ALK: variants seen among roughly 807,000 people sequenced by gnomAD.
The protein encoded by ALK is ALK receptor tyrosine kinase.
ALK carries 74 observed loss-of-function variants against 163.1 expected under a neutral mutation model. The observed-to-expected ratio is 0.45, with a 90% confidence interval of 0.38 to 0.55. The LOEUF is 0.55. ALK is among the 20% of genes least tolerant of loss of function. ALK has a pLI of 0.00. For synonymous variants in ALK, 960 were observed against 843.2 expected, an observed-to-expected ratio of 1.14 and a Z score of -2.40; for missense variants, 2,063 against 2,105.3, an observed-to-expected ratio of 0.98 and a Z score of 0.39.
At chr2:29,458,304 A>C (rs556581212) in intron 4 of ALK, among the ~76,000 whole-genome samples, 1 of 152,270 alleles carries the variant, frequency 6.6e-6, no homozygotes, top group South Asian at 2.1e-4. Context: ...ATTTGCTTCA[A>C]AATCAACCAG....
chr2:29,540,291 G>A (rs1558374991), intron 3 of ALK, among the ~76,000 whole-genome samples: 1 of 152,094 alleles, frequency 6.6e-6, no homozygotes, highest in Non-Finnish European at 1.5e-5. Context: ...AAGACCTTGA[G>A]AAGGGAAAAA....
At chr2:29,873,134 C>A (rs1156494632) in intron 1 of ALK, among the ~76,000 whole-genome samples, 2 of 152,208 alleles carry the variant, frequency 1.3e-5, no homozygotes, top group Admixed American at 6.5e-5. Flanking sequence ...GTGGCTCCAA[C>A]CACTGACAGA....
Position 29,879,013 on chromosome 2 carries a change from T to C in ALK, c.667+40980A>G, listed in dbSNP as rs772431191. Among the ~76,000 whole-genome samples, 10 of 152,156 alleles carry C rather than the reference T, an allele frequency of 6.6e-5. No homozygotes were observed. The East Asian group carries it at 1.3e-3, about 21-fold the overall frequency. On this transcript the variant is annotated intron_variant, in intron 1 of 28. Transcript: ENST00000389048. ...GTATGCAGGCAAGAAACAGGACTGA[T>C]GCCAGGGAGTGTCAGTCAGCAGAAG...
chr2:29,902,858 G>T (rs1489939613), intron 1 of ALK, among the ~76,000 whole-genome samples: 1 of 152,082 alleles, frequency 6.6e-6, no homozygotes, highest in Non-Finnish European at 1.5e-5. Flanking sequence ...TAGCTCTTAA[G>T]CTCACACCAT....
At chr2:29,896,115 C>T (rs538072078) in intron 1 of ALK, among the ~76,000 whole-genome samples, 14 of 152,172 alleles carry the variant, frequency 9.2e-5, no homozygotes, top group Non-Finnish European at 1.5e-4. Context: ...ACAAAAAGAG[C>T]TCCTACAAGG....
At chr2:29,829,172 G>C (rs913479085) in intron 1 of ALK, among the ~76,000 whole-genome samples, 1 of 95,162 alleles carries the variant, frequency 1.1e-5, no homozygotes, top group Non-Finnish European at 1.9e-5. Context: ...TTGAGGGGTG[G>C]GGGGAGGGGG....
intron 1 of ALK, among the ~76,000 whole-genome samples, chr2:29,756,558 T>C (rs1680537792): frequency 6.8e-6 from 1 of 147,608 alleles, no homozygotes. Context: ...AGACAGAGTC[T>C]CACTCACTCT....
intron 3 of ALK, among the ~76,000 whole-genome samples, chr2:29,602,312 C>T (rs1675401563): frequency 6.6e-6 from 1 of 152,034 alleles, no homozygotes; most frequent in South Asian, 2.1e-4. Flanking sequence ...AGAGATTCTG[C>T]TCATAGAATC....
intron 3 of ALK, among the ~76,000 whole-genome samples, chr2:29,612,392 T>C (rs893267295): frequency 7.2e-5 from 11 of 152,318 alleles, no homozygotes; most frequent in Admixed American, 7.2e-4. Context: ...TCTGCTTCCT[T>C]GGTTTCAATC....
intron 8 of ALK, among the ~76,000 whole-genome samples, chr2:29,303,309 A>G (rs1233189579): frequency 6.6e-6 from 1 of 152,252 alleles, no homozygotes; most frequent in Non-Finnish European, 1.5e-5. Flanking sequence ...ACCACCAGAG[A>G]AATGCAAATC....
chr2:29,202,590 G>A (rs1669210350), intron 26 of ALK, among the ~76,000 whole-genome samples: 3 of 152,200 alleles, frequency 2.0e-5, no homozygotes, highest in African/African-American at 4.8e-5. Flanking sequence ...AAGCGCAAAC[G>A]ATACTGTGTT....
intron 1 of ALK, among the ~76,000 whole-genome samples, chr2:29,910,384 C>A (rs1017494942): frequency 6.6e-6 from 1 of 152,048 alleles, no homozygotes; most frequent in Admixed American, 6.5e-5. Context: ...AGTACGGGAA[C>A]CATAAAAGTA....
intron 15 of ALK, among the ~76,000 whole-genome samples, chr2:29,230,791 A>T (rs1455752630): frequency 6.6e-6 from 1 of 152,100 alleles, no homozygotes; most frequent in African/African-American, 2.4e-5. Context: ...GGCTGTTGTC[A>T]TGTGGCAGAG....
chr2:29,839,662 C>A (rs565132198), intron 1 of ALK, among the ~76,000 whole-genome samples: 1 of 152,228 alleles, frequency 6.6e-6, no homozygotes, highest in Admixed American at 6.5e-5. Flanking sequence ...TGTGTCCCTT[C>A]TTCTGCGTTC....
intron 14 of ALK, among the ~76,000 whole-genome samples, chr2:29,232,866 T>C (rs1664256076): frequency 6.6e-6 from 1 of 152,112 alleles, no homozygotes; most frequent in Non-Finnish European, 1.5e-5. Flanking sequence ...CCCCCAAAGA[T>C]TCAAGGTTAA....
chr2:29,893,613 G>A (rs748927327), intron 1 of ALK, among the ~76,000 whole-genome samples: 4 of 152,088 alleles, frequency 2.6e-5, no homozygotes, highest in Non-Finnish European at 4.4e-5. Context: ...AAACACCAAG[G>A]TTTAGGTCCT....
chr2:29,768,713 C>CTATGTGTGTG (rs149394341), intron 1 of ALK, among the ~76,000 whole-genome samples: 7,882 of 142,862 alleles, frequency 0.055, 261 homozygotes, highest in East Asian at 0.096. Context: ...TTATATATGT[C>CTATGTGTGTG]TGTGTGTGTG....
chr2:29,590,698 C>A (rs1675023782), intron 3 of ALK, among the ~76,000 whole-genome samples: 1 of 152,128 alleles, frequency 6.6e-6, no homozygotes, highest in Non-Finnish European at 1.5e-5. Flanking sequence ...CTCTTACCCC[C>A]ATCCTGCTTC....
At chr2:29,578,568 G>T (rs1573471376) in intron 3 of ALK, among the ~76,000 whole-genome samples, 1 of 152,288 alleles carries the variant, frequency 6.6e-6, no homozygotes, top group African/African-American at 2.4e-5. Context: ...CCTGTTTGGG[G>T]GTAGGGGGGC....
Sources: gnomAD v4.1 joint callset for allele counts (sites outside exome capture counted in the v4.1 genomes callset) on GRCh38, gnomAD v4.1.1 for gene constraint, MANE v1.5 for transcripts, NCBI Gene and HGNC (gene_info 2026-07-23, HGNC 2026-07-21) for gene names.